TAF4B: variants seen among roughly 807,000 people sequenced by gnomAD.
The protein encoded by TAF4B is transcription initiation factor TFIID subunit 4B.
In TAF4B, 38 loss-of-function variants were observed where a neutral mutation model predicts 86.4. The ratio of observed to expected loss-of-function variants is 0.44; its 90% CI spans 0.34 to 0.58. TAF4B has a LOEUF of 0.58. Among genes scored for constraint, TAF4B ranks in the 20% least tolerant of loss-of-function variants. The pLI, the probability that TAF4B is intolerant of heterozygous loss-of-function variation, is 0.02. For missense variants in TAF4B, 988 were observed against 1,027.6 expected (o/e 0.96, Z 0.53); for synonymous variants, 388 against 391.2 (o/e 0.99, Z 0.10).
intron 12 of TAF4B, among the ~76,000 whole-genome samples, chr18:26,331,574 T>C (rs900478779): frequency 7.2e-5 from 11 of 152,200 alleles, no homozygotes; most frequent in Admixed American, 3.3e-4. Context: ...TTTACTCTTA[T>C]AGATTTTCTT....
At chr18:26,266,588 G>C (rs564318521) in intron 2 of TAF4B, among the ~76,000 whole-genome samples, 2 of 152,040 alleles carry the variant, frequency 1.3e-5, no homozygotes, top group African/African-American at 4.8e-5. Context: ...GGGGCTGTGC[G>C]CGGTGACTCA....
chr18:26,227,718 A>G (rs550896335), intron 1 of TAF4B, among the ~76,000 whole-genome samples: 2 of 152,328 alleles, frequency 1.3e-5, no homozygotes, highest in African/African-American at 4.8e-5. Flanking sequence ...CAGTGACACG[A>G]TCATGGCTCA....
At chr18:26,379,395 G>A (rs750467276) in intron 14 of TAF4B, among the ~76,000 whole-genome samples, 48 of 151,932 alleles carry the variant, frequency 3.2e-4, no homozygotes, top group African/African-American at 5.3e-4. Flanking sequence ...GTGAAGTGGG[G>A]GTTGAAAGTT....
At chr18:26,369,668 C>T (rs1286899078) in intron 14 of TAF4B, among the ~76,000 whole-genome samples, 4 of 152,226 alleles carry the variant, frequency 2.6e-5, no homozygotes, top group African/African-American at 9.6e-5. Flanking sequence ...TCCTTAGCTC[C>T]TCTTCTCTTT....
intron 14 of TAF4B, among the ~76,000 whole-genome samples, chr18:26,361,425 C>T (rs2057329148): frequency 6.6e-6 from 1 of 151,352 alleles, no homozygotes; most frequent in Non-Finnish European, 1.5e-5. Context: ...CTCTTGGCCC[C>T]AAATCTTAAT....
chr18:26,388,400 T>C (rs1978503339), intron 14 of TAF4B, among the ~76,000 whole-genome samples: 1 of 152,246 alleles, frequency 6.6e-6, no homozygotes. Flanking sequence ...TTAGAAAATA[T>C]TGCGGATAAC....
chr18:26,274,502 G>T (rs2056358766), intron 3 of TAF4B, among the ~76,000 whole-genome samples, 161 bp from the exon 4 acceptor site: 1 of 152,126 alleles, frequency 6.6e-6, no homozygotes, highest in Non-Finnish European at 1.5e-5. Context: ...AGATCTGCTA[G>T]ACTCAAGAGT....
intron 9 of TAF4B, among the ~76,000 whole-genome samples, chr18:26,301,787 C>G (rs1246931293): frequency 6.6e-6 from 1 of 152,180 alleles, no homozygotes; most frequent in African/African-American, 2.4e-5. Flanking sequence ...CCCTCAAGTT[C>G]TGGCAGCCTT....
intron 14 of TAF4B, among the ~76,000 whole-genome samples, chr18:26,360,130 T>C (rs977210783): frequency 3.3e-5 from 5 of 152,178 alleles, no homozygotes; most frequent in Non-Finnish European, 7.3e-5. Context: ...TCAGTATTAT[T>C]TAATACATAA....
chr18:26,292,249 G>T lies in TAF4B; in HGVS notation c.1594G>T (p.Val532Phe). The change falls in exon 8 of 15, where the codon GTT becomes TTT. Residue 532 changes from valine (V) to phenylalanine (F), a missense_variant. Physicochemically the swap from Val to Phe is conservative, Grantham distance 50. This residue lies in a region of TAF4B where 747 missense variants were observed against 737.9 expected (regional missense o/e 1.01). Coordinates refer to ENST00000269142, the MANE Select transcript of TAF4B (RefSeq NM_005640.3). ...PQAVQVKQLVVQQPSGGNEKQ... is the reference protein window; with the variant it reads ...PQAVQVKQLVFQQPSGGNEKQ... ...TTGATAGTTCTCATTGTTTCAGGTAGTTCAGCAGCCTTCAGGAGGCAATGA... is the reference window on the plus strand; with the variant it reads ...TTGATAGTTCTCATTGTTTCAGGTATTTCAGCAGCCTTCAGGAGGCAATGA... 6.2e-7 allele frequency: 1 copy of T among 1,613,762 alleles called. No homozygotes were observed. The highest frequency in any genetic ancestry group is 8.5e-7 in the Non-Finnish European group (1 of 1,179,866).
In TAF4B at chr18:26,226,739, G is replaced by A; in HGVS notation, c.-195G>A. The A allele has an allele frequency of 2.2e-6, 1 of 445,528 alleles. No homozygotes were observed. Among genetic ancestry groups the A allele is most frequent in the Non-Finnish European group, 3.8e-6 (1 of 260,514 alleles). 27.6% of individuals were successfully genotyped at this position (445,528 alleles called of 1,614,324 possible). ...GGGCAGCCCAGGCTCGCGCGGACGAGAGGAAGGTCCGGGACGCGCGTGTCC... is the reference window on the plus strand; with the variant it reads ...GGGCAGCCCAGGCTCGCGCGGACGAAAGGAAGGTCCGGGACGCGCGTGTCC... On this transcript the variant is annotated 5_prime_UTR_variant, in exon 1 of 15. Coordinates refer to ENST00000269142, the MANE Select transcript of TAF4B (RefSeq NM_005640.3).
At chr18:26,266,137 A>C (rs1236025449) in intron 2 of TAF4B, 2 of 151,862 alleles carry the variant, frequency 1.3e-5, no homozygotes, top group African/African-American at 4.8e-5. Context: ...TTTGAGACGG[A>C]GTTTTGCTCT....
chr18:26,359,241 A>G (rs1567921141), intron 14 of TAF4B, among the ~76,000 whole-genome samples: 1 of 152,222 alleles, frequency 6.6e-6, no homozygotes, highest in Non-Finnish European at 1.5e-5. Flanking sequence ...TAAGTAAACC[A>G]TAATTTATTC....
intron 1 of TAF4B, among the ~76,000 whole-genome samples, chr18:26,260,894 A>T (rs1001439277): frequency 1.3e-5 from 2 of 152,132 alleles, no homozygotes; most frequent in Non-Finnish European, 2.9e-5. Context: ...TCTGACATTT[A>T]TTAAATCTGA....
rs1202008455 is a variant in TAF4B, at chr18:26,346,759, G to GTGTA, written c.2317-10930_2317-10929insGTAT. On this transcript the variant is annotated intron_variant, in intron 13 of 14. Coordinates refer to ENST00000269142, the MANE Select transcript of TAF4B (RefSeq NM_005640.3). ...CAAGAATATATATATATATATGTGT[G>GTGTA]TATATATATATATATGTGTGTGTAT... 1.0e-3 allele frequency among the ~76,000 whole-genome samples: 28 copies of GTGTA among 27,126 alleles called. 1 individual carries two copies. Among genetic ancestry groups the GTGTA allele is most frequent in the Non-Finnish European group, 1.9e-3 (21 of 11,048 alleles). The allele number at this position is 27,126 out of a possible 152,430, so 17.8% of individuals were successfully genotyped here.
At chr18:26,339,379 G>C (rs991618538) in intron 13 of TAF4B, among the ~76,000 whole-genome samples, 1 of 152,062 alleles carries the variant, frequency 6.6e-6, no homozygotes, top group Non-Finnish European at 1.5e-5. Context: ...AGGCTGGAGC[G>C]CAGTGACGCA....
chr18:26,322,585 T>C (rs2056971867), intron 11 of TAF4B, among the ~76,000 whole-genome samples: 1 of 152,194 alleles, frequency 6.6e-6, no homozygotes, highest in African/African-American at 2.4e-5. Flanking sequence ...TCAATGGTAA[T>C]GATCCCCCTT....
At position 26,390,089 on chromosome 18, in the gene TAF4B, T is replaced by C; in HGVS notation, c.*77T>C. 7.0e-7 allele frequency: 1 copy of C among 1,425,040 alleles called. No individual in the cohort carries two copies. The highest frequency in any genetic ancestry group is 9.4e-7 in the Non-Finnish European group (1 of 1,063,344). 88.3% of individuals were successfully genotyped at this position (1,425,040 alleles called of 1,614,324 possible). On this transcript the variant is annotated 3_prime_UTR_variant, in exon 15 of 15. Transcript: ENST00000269142. Reference sequence around the variant, plus strand: ...AAAGCATTGTTGCACTGTCCTGAAATTTCAATTTCTGGAAAATAATCACCA... The same window carrying C: ...AAAGCATTGTTGCACTGTCCTGAAACTTCAATTTCTGGAAAATAATCACCA...
intron 1 of TAF4B, among the ~76,000 whole-genome samples, chr18:26,241,859 G>A (rs2144465536): frequency 6.6e-6 from 1 of 152,302 alleles, no homozygotes; most frequent in East Asian, 1.9e-4. Flanking sequence ...AGTCATTCAG[G>A]AGCAGGTTGT....
Sources: allele counts gnomAD v4.1 joint callset (sites outside exome capture counted in the v4.1 genomes callset), GRCh38; gene constraint gnomAD v4.1.1; regional missense constraint gnomAD v4.1.1; transcripts MANE v1.5; gene names NCBI Gene and HGNC (gene_info 2026-07-23, HGNC 2026-07-21).